Variants in SCFD2 observed in about 807,000 individuals in gnomAD.
The protein encoded by SCFD2 is sec1 family domain containing 2.
In SCFD2, 54 loss-of-function variants were observed where a neutral mutation model predicts 58.9. That is an observed-to-expected ratio of 0.92 (90% CI 0.74 to 1.15). The LOEUF (loss-of-function observed/expected upper bound fraction) is 1.15, where lower values mean the gene tolerates loss of function less well. Among genes scored for constraint, SCFD2 ranks in the 50% most tolerant of loss-of-function variants. The pLI is 0.00. For missense variants in SCFD2, 805 were observed against 836.6 expected (o/e 0.96, Z 0.47); for synonymous variants, 321 against 335.9 (o/e 0.96, Z 0.49).
intron 5 of SCFD2, among the ~76,000 whole-genome samples, chr4:52,961,003 GGGACCTTGCAGGAGA>G (rs1560494643): frequency 4.6e-5 from 7 of 152,134 alleles, no homozygotes; most frequent in African/African-American, 1.7e-4. Flanking sequence ...GGACCTGAGC[GGGACCTTGCAGGAGA>G]GGCTGAGGAG....
At chr4:52,969,812 C>T (rs1377805235) in intron 5 of SCFD2, among the ~76,000 whole-genome samples, 1 of 152,170 alleles carries the variant, frequency 6.6e-6, no homozygotes, top group East Asian at 1.9e-4. Context: ...ATTATGTTAA[C>T]TGGAGCAAAA....
chr4:52,885,466 T>C (rs1718716450), intron 8 of SCFD2, among the ~76,000 whole-genome samples: 1 of 152,190 alleles, frequency 6.6e-6, no homozygotes, highest in South Asian at 2.1e-4. Flanking sequence ...TTAAGGCTCA[T>C]TGGCTTGGTG....
At chr4:53,236,426 G>GAT (rs1014131361) in intron 4 of SCFD2, among the ~76,000 whole-genome samples, 3 of 146,320 alleles carry the variant, frequency 2.1e-5, no homozygotes, top group African/African-American at 7.7e-5. Context: ...TATTTATTAG[G>GAT]ATATATATAT....
At chr4:53,182,518 A>G (rs923587871) in intron 4 of SCFD2, among the ~76,000 whole-genome samples, 2 of 152,220 alleles carry the variant, frequency 1.3e-5, no homozygotes, top group African/African-American at 4.8e-5. Flanking sequence ...TGGATTAAAG[A>G]CTTAAATGTT....
intron 5 of SCFD2, among the ~76,000 whole-genome samples, chr4:53,036,058 A>C (rs1255768954): frequency 6.6e-6 from 1 of 151,754 alleles, no homozygotes; most frequent in Non-Finnish European, 1.5e-5. Flanking sequence ...ATTTTATTTT[A>C]TTTATTTTAT....
In SCFD2 at chr4:53,365,142, G is replaced by T; in HGVS notation, c.800C>A (p.Ala267Glu). The change falls in exon 1 of 9, where the codon GCA becomes GAA. Residue 267 changes from alanine to glutamate, a missense_variant. Ala to Glu is a moderately radical substitution (Grantham distance 107). This residue lies in a region of SCFD2 where 633 missense variants were observed against 646.8 expected (regional missense o/e 0.98). Transcript: ENST00000401642. The surrounding 1 kb of genome is among the most constrained non-coding windows in gnomAD (Gnocchi z 4.3). ...KNRKKTAAGRASVVFVDRTLD... is the reference protein window; with the variant it reads ...KNRKKTAAGRESVVFVDRTLD... ...GGTTCTGTCCACAAAAACCACTGAT[G>T]CCCTGCCTGCAGCAGTCTTCTTCCT... is the stretch of plus-strand genomic sequence containing the variant. The T allele has an allele frequency of 6.2e-7, 1 of 1,614,238 alleles. No homozygotes were observed. Among genetic ancestry groups the T allele is most frequent in the Non-Finnish European group, 8.5e-7 (1 of 1,180,046 alleles).
chr4:53,340,596 A>G (rs545400878), intron 2 of SCFD2, among the ~76,000 whole-genome samples: 2 of 152,352 alleles, frequency 1.3e-5, no homozygotes, highest in East Asian at 3.9e-4. Flanking sequence ...ACTGTCTGAC[A>G]GCTTTGAAGA....
At chr4:52,908,017 C>T (rs1374350661) in intron 6 of SCFD2, among the ~76,000 whole-genome samples, 3 of 152,126 alleles carry the variant, frequency 2.0e-5, no homozygotes, top group South Asian at 2.1e-4. Flanking sequence ...CTAGGAACTC[C>T]AATGTTATTT....
chr4:52,946,575 A>G (rs953399043), intron 5 of SCFD2, among the ~76,000 whole-genome samples: 1 of 152,194 alleles, frequency 6.6e-6, no homozygotes, highest in South Asian at 2.1e-4. Context: ...TCATCATAAC[A>G]ACTAAGATTA....
intron 5 of SCFD2, among the ~76,000 whole-genome samples, chr4:53,021,926 A>T (rs1452848924): frequency 1.3e-5 from 2 of 152,194 alleles, no homozygotes; most frequent in African/African-American, 4.8e-5. Flanking sequence ...AAGCCAGCAG[A>T]TGGAAAACAT....
intron 5 of SCFD2, among the ~76,000 whole-genome samples, chr4:53,062,297 G>A (rs1723537314): frequency 6.6e-6 from 1 of 151,812 alleles, no homozygotes; most frequent in Admixed American, 6.6e-5. Context: ...ACTTGAACCT[G>A]GGAGGCTCAG....
chr4:53,359,888 C>A (rs550344132), intron 1 of SCFD2, among the ~76,000 whole-genome samples: 1 of 152,306 alleles, frequency 6.6e-6, no homozygotes, highest in Admixed American at 6.5e-5. Flanking sequence ...CAATGTGGGG[C>A]CACTCTGAAA....
intron 5 of SCFD2, among the ~76,000 whole-genome samples, chr4:53,004,126 C>G (rs1721921355): frequency 6.6e-6 from 1 of 152,188 alleles, no homozygotes; most frequent in African/African-American, 2.4e-5. Flanking sequence ...CTTAGGTGTC[C>G]ATTCCTTAGC....
intron 4 of SCFD2, among the ~76,000 whole-genome samples, chr4:53,238,128 C>T (rs1268353000): frequency 3.3e-5 from 4 of 122,474 alleles, no homozygotes; most frequent in African/African-American, 9.5e-5. Context: ...TAGGGGTGGC[C>T]GGGCAGAGGT....
At chr4:53,033,958 T>C (rs746061820) in intron 5 of SCFD2, among the ~76,000 whole-genome samples, 2 of 152,282 alleles carry the variant, frequency 1.3e-5, no homozygotes, top group Middle Eastern at 3.4e-3. Context: ...CCCTAACTCA[T>C]TTTATGAGGC....
intron 5 of SCFD2, among the ~76,000 whole-genome samples, chr4:53,015,190 AAAT>A (rs1189928901): frequency 6.6e-6 from 1 of 152,140 alleles, no homozygotes; most frequent in Non-Finnish European, 1.5e-5. Context: ...TTAACAGAGT[AAAT>A]ACAAAAAAAC....
intron 5 of SCFD2, among the ~76,000 whole-genome samples, chr4:53,129,390 C>T (rs1725723502): frequency 6.6e-6 from 1 of 152,194 alleles, no homozygotes; most frequent in Non-Finnish European, 1.5e-5. Context: ...CCTAAAAAGT[C>T]AGGCTTCTGT....
In SCFD2 at chr4:52,975,943, T is replaced by G. The variant is rs554656551; in HGVS notation, c.1562-55073A>C. On this transcript the variant is annotated intron_variant, in intron 5 of 8. Transcript: ENST00000401642. ...CAAGGACAAAAAACCAAACACCACA[T>G]GTTCTCACTCATAGGTGGGAATTGA... 2.1e-5 allele frequency among the ~76,000 whole-genome samples: 3 copies of G among 145,510 alleles called. No individual in the cohort carries two copies. In the East Asian group the frequency reaches 6.1e-4, roughly 30 times the overall value.
At chr4:52,979,069 G>GGT (rs1300662615) in intron 5 of SCFD2, among the ~76,000 whole-genome samples, 1 of 150,662 alleles carries the variant, frequency 6.6e-6, no homozygotes. Flanking sequence ...TTTTTTTGGG[G>GGT]GGGGGAGTAG....
Sources: allele counts gnomAD v4.1 joint callset (sites outside exome capture counted in the v4.1 genomes callset), GRCh38; gene constraint gnomAD v4.1.1; regional missense constraint gnomAD v4.1.1; non-coding constraint Gnocchi (gnomAD v3.1); transcripts MANE v1.5; gene names NCBI Gene and HGNC (gene_info 2026-07-23, HGNC 2026-07-21).